Variants in SPPL3 observed in about 807,000 individuals in gnomAD.
The protein encoded by SPPL3 is signal peptide peptidase like 3.
Under a neutral mutation model 42.4 loss-of-function variants are expected in SPPL3, and 5 were observed. That is an observed-to-expected ratio of 0.12 (90% CI 0.06 to 0.25). SPPL3 has a LOEUF of 0.25. SPPL3 is among the 10% of genes least tolerant of loss of function. The pLI is 1.00. For missense variants in SPPL3, 235 were observed against 489.0 expected (o/e 0.48, Z 4.90); for synonymous variants, 195 against 181.8 (o/e 1.07, Z -0.58).
chr12:120,861,504 C>G (rs1872617857), intron 1 of SPPL3, among the ~76,000 whole-genome samples: 1 of 152,096 alleles, frequency 6.6e-6, no homozygotes, highest in South Asian at 2.1e-4. Context: ...CTCCAGCAGC[C>G]ACATTTCTGG....
chr12:120,860,729 G>C (rs1486765813), intron 1 of SPPL3, among the ~76,000 whole-genome samples: 2 of 152,120 alleles, frequency 1.3e-5, no homozygotes, highest in African/African-American at 4.8e-5. Context: ...AAATTAGTCT[G>C]GTACTTTGCT....
At position 120,874,994 on chromosome 12, in the gene SPPL3, T is replaced by C. The variant is rs535238036; in HGVS notation, c.23+28851A>G. On this transcript the variant is annotated intron_variant, in intron 1 of 10. Coordinates refer to ENST00000353487, the MANE Select transcript of SPPL3 (RefSeq NM_139015.5). ...AGAAAATTTAGGCCACATAAAAAGG[T>C]CATGTGCACGGGTTCCGGCCAACAG... Among the ~76,000 whole-genome samples the C allele has an allele frequency of 2.6e-5, 4 of 152,058 alleles. No individual in the cohort carries two copies. In the East Asian group the frequency reaches 7.7e-4, roughly 29 times the overall value.
intron 2 of SPPL3, among the ~76,000 whole-genome samples, chr12:120,810,283 A>G (rs1870642323): frequency 6.6e-6 from 1 of 152,142 alleles, no homozygotes; most frequent in Admixed American, 6.5e-5. Flanking sequence ...TGCCCGGCCA[A>G]AGATTAAGAA....
In SPPL3 at chr12:120,782,077, C is replaced by A. The variant is rs1175854313; in HGVS notation, c.502+578G>T. Among the ~76,000 whole-genome samples, 6 of 151,886 alleles carry A rather than the reference C, an allele frequency of 4.0e-5. No homozygotes were observed. The East Asian group carries it at 1.2e-3, about 29-fold the overall frequency. On this transcript the variant is annotated intron_variant, in intron 6 of 10. Transcript: ENST00000353487. ...TAGAAATGGGATCTTGCTATGTTGT[C>A]CAGACTGGTCTTGAACTCTTGGTCT... is the stretch of plus-strand genomic sequence containing the variant.
intron 1 of SPPL3, chr12:120,811,165 C>A (rs1286120657): frequency 2.5e-5 from 6 of 243,136 alleles, no homozygotes; most frequent in African/African-American, 1.4e-4. Context: ...TTTACAACAT[C>A]CACCCCCAAT....
intron 2 of SPPL3, among the ~76,000 whole-genome samples, chr12:120,797,988 G>A (rs1163627254): frequency 6.6e-6 from 1 of 152,144 alleles, no homozygotes; most frequent in South Asian, 2.1e-4. Flanking sequence ...TGGGGGGTCT[G>A]GGGAGGATAA....
chr12:120,827,669 C>T (rs1455985177), intron 1 of SPPL3, among the ~76,000 whole-genome samples: 2 of 152,142 alleles, frequency 1.3e-5, no homozygotes. Flanking sequence ...CTGGCTTGTG[C>T]CCCCCAGCCT....
At chr12:120,863,985 T>C (rs967236819) in intron 1 of SPPL3, among the ~76,000 whole-genome samples, 5 of 152,034 alleles carry the variant, frequency 3.3e-5, no homozygotes, top group South Asian at 2.1e-4. Flanking sequence ...GCCTAGATGG[T>C]AGTTTCCTAA....
chr12:120,850,224 T>G (rs1872176755), intron 1 of SPPL3, among the ~76,000 whole-genome samples: 1 of 152,184 alleles, frequency 6.6e-6, no homozygotes, highest in Non-Finnish European at 1.5e-5. Context: ...AAATTAGGCT[T>G]TCCAGAGACA....
At chr12:120,875,910 T>C (rs1363563419) in intron 1 of SPPL3, among the ~76,000 whole-genome samples, 3 of 152,012 alleles carry the variant, frequency 2.0e-5, no homozygotes, top group Non-Finnish European at 4.4e-5. Context: ...ACATACACCA[T>C]ACAGGCACTA....
intron 1 of SPPL3, among the ~76,000 whole-genome samples, chr12:120,855,226 T>A (rs1872411527): frequency 6.6e-6 from 1 of 152,144 alleles, no homozygotes; most frequent in South Asian, 2.1e-4. Context: ...TATAACAGAT[T>A]CCATATAGCA....
At chr12:120,809,272 G>T (rs1419055381) in intron 2 of SPPL3, among the ~76,000 whole-genome samples, 4 of 152,072 alleles carry the variant, frequency 2.6e-5, no homozygotes, top group African/African-American at 9.7e-5. Context: ...GTGGACCCAG[G>T]AGGTGGAGCT....
intron 1 of SPPL3, among the ~76,000 whole-genome samples, chr12:120,862,980 T>C (rs569508456): frequency 2.6e-5 from 4 of 152,218 alleles, no homozygotes; most frequent in African/African-American, 9.6e-5. Flanking sequence ...CTCTCCTCTA[T>C]CACGAAATTC....
At chr12:120,765,458 T>G (rs1210778991) in intron 10 of SPPL3, among the ~76,000 whole-genome samples, 1 of 151,824 alleles carries the variant, frequency 6.6e-6, no homozygotes, top group East Asian at 1.9e-4. Context: ...CAGTTCATTT[T>G]TGTGTTTTTA....
chr12:120,867,316 C>T (rs2049211), intron 1 of SPPL3, among the ~76,000 whole-genome samples: 29,534 of 152,096 alleles, frequency 0.19, 4,525 homozygotes, highest in African/African-American at 0.41. Flanking sequence ...ATGACATCTG[C>T]GACAGCACTT....
chr12:120,814,099 A>G (rs1870784812), intron 1 of SPPL3, among the ~76,000 whole-genome samples: 1 of 152,228 alleles, frequency 6.6e-6, no homozygotes, highest in Non-Finnish European at 1.5e-5. Context: ...ACCAAAAAAA[A>G]GGTAGACTTT....
At chr12:120,799,419 T>G (rs1375316062) in intron 2 of SPPL3, among the ~76,000 whole-genome samples, 1 of 152,200 alleles carries the variant, frequency 6.6e-6, no homozygotes, top group Non-Finnish European at 1.5e-5. Context: ...GAACCATCAT[T>G]AAGTCAAACC....
At chr12:120,827,546 G>A (rs1010235278) in intron 1 of SPPL3, among the ~76,000 whole-genome samples, 13 of 151,948 alleles carry the variant, frequency 8.6e-5, no homozygotes, top group African/African-American at 2.4e-4. Flanking sequence ...TTTGTCCAAG[G>A]TCAAACAGCT....
chr12:120,864,132 A>G (rs1029801363), intron 1 of SPPL3, among the ~76,000 whole-genome samples: 44 of 152,178 alleles, frequency 2.9e-4, no homozygotes, highest in African/African-American at 9.9e-4. Context: ...TGGTAAGTTA[A>G]TATTTGTTTC....
Sources: gnomAD v4.1 joint callset for allele counts (sites outside exome capture counted in the v4.1 genomes callset) on GRCh38, gnomAD v4.1.1 for gene constraint, MANE v1.5 for transcripts, NCBI Gene and HGNC (gene_info 2026-07-23, HGNC 2026-07-21) for gene names.